PSD3: variants seen among roughly 807,000 people sequenced by gnomAD.
The protein encoded by PSD3 is PH and SEC7 domain-containing protein 3.
In PSD3, 49 loss-of-function variants were observed where a neutral mutation model predicts 105.5. The observed-to-expected ratio is 0.46, with a 90% confidence interval of 0.37 to 0.59. PSD3 has a LOEUF of 0.59. PSD3 is among the 20% of genes least tolerant of loss of function. The pLI is 0.00. For missense variants in PSD3, 1,561 were observed against 1,263.8 expected (o/e 1.24, Z -3.57); for synonymous variants, 557 against 457.8 (o/e 1.22, Z -2.77).
chr8:18,787,538 G>A (rs991350980), intron 8 of PSD3, among the ~76,000 whole-genome samples: 6 of 152,058 alleles, frequency 3.9e-5, no homozygotes, highest in Non-Finnish European at 4.4e-5. Context: ...AAAATTCCAG[G>A]CAGGCCCAAT....
At chr8:18,663,987 TA>T (rs1809540242) in intron 9 of PSD3, among the ~76,000 whole-genome samples, 1 of 152,238 alleles carries the variant, frequency 6.6e-6, no homozygotes, top group South Asian at 2.1e-4. Flanking sequence ...GTTACTACTG[TA>T]ATTGTTTTGG....
chr8:19,033,777 C>T (rs934911259), intron 1 of PSD3, among the ~76,000 whole-genome samples: 2 of 152,002 alleles, frequency 1.3e-5, no homozygotes, highest in Middle Eastern at 3.2e-3. Context: ...ACCACAGCCC[C>T]ACAAACAACT....
chr8:18,888,680 T>G (rs938548101), intron 2 of PSD3, among the ~76,000 whole-genome samples: 1 of 152,134 alleles, frequency 6.6e-6, no homozygotes, highest in Non-Finnish European at 1.5e-5. Flanking sequence ...TTCAAAATCC[T>G]CTCAAAGAAG....
chr8:18,777,593 T>C (rs1229409399), intron 8 of PSD3, among the ~76,000 whole-genome samples: 1 of 152,218 alleles, frequency 6.6e-6, no homozygotes, highest in African/African-American at 2.4e-5. Context: ...TTTTGAAATA[T>C]GCATGTAATG....
At chr8:18,958,943 C>T (rs530667351) in intron 1 of PSD3, among the ~76,000 whole-genome samples, 5 of 146,972 alleles carry the variant, frequency 3.4e-5, no homozygotes, top group South Asian at 2.2e-4. Context: ...TCTTTTGAGA[C>T]GGAGTCTTGT....
chr8:18,546,139 G>A (rs1421168988), intron 15 of PSD3, among the ~76,000 whole-genome samples: 1 of 152,038 alleles, frequency 6.6e-6, no homozygotes, highest in Non-Finnish European at 1.5e-5. Flanking sequence ...GGGATTACAG[G>A]TGCCCGCCAC....
intron 14 of PSD3, among the ~76,000 whole-genome samples, chr8:18,570,644 C>G (rs1802070340): frequency 6.8e-6 from 1 of 146,714 alleles, no homozygotes; most frequent in Admixed American, 6.9e-5. Flanking sequence ...CAAACAACCC[C>G]ATCAAAAAGT....
intron 12 of PSD3, among the ~76,000 whole-genome samples, chr8:18,596,631 T>G (rs939373169): frequency 7.3e-5 from 11 of 151,688 alleles, no homozygotes; most frequent in Non-Finnish European, 1.5e-4. Context: ...AAATCAGAAA[T>G]GAAACAGGAG....
rs372568308 is a variant in PSD3 at position 18,770,315 on chromosome 8, A to T, written c.2083-4777T>A. Among the ~76,000 whole-genome samples, 20 of 151,992 alleles carry T rather than the reference A, an allele frequency of 1.3e-4. No individual in the cohort carries two copies. The South Asian group carries it at 4.1e-3, about 32-fold the overall frequency. On this transcript the variant is annotated intron_variant, in intron 8 of 15. Transcript: ENST00000327040. Reference sequence around the variant, plus strand: ...AAATCCTATTTTCCCTTCTTATTGGAATATTTATATTTTTATTATTCAGTT... The same window carrying T: ...AAATCCTATTTTCCCTTCTTATTGGTATATTTATATTTTTATTATTCAGTT...
chr8:18,982,997 A>G (rs1010559948), intron 1 of PSD3, among the ~76,000 whole-genome samples: 3 of 152,332 alleles, frequency 2.0e-5, no homozygotes, highest in East Asian at 1.9e-4. Context: ...TCTTTTCCCA[A>G]TAGAAGGCTG....
chr8:18,738,759 C>A (rs1804340507), intron 9 of PSD3, among the ~76,000 whole-genome samples: 1 of 152,014 alleles, frequency 6.6e-6, no homozygotes. Context: ...CTTGAACTGA[C>A]TGATCACTTT....
At chr8:18,988,108 TAAATAC>T (rs1266210686) in intron 1 of PSD3, among the ~76,000 whole-genome samples, 4 of 122,116 alleles carry the variant, frequency 3.3e-5, no homozygotes, top group African/African-American at 1.1e-4. Flanking sequence ...AATAAATAAA[TAAATAC>T]ATATATATAT....
At position 18,632,727 on chromosome 8, in the gene PSD3, G is replaced by T; in HGVS notation, c.2296C>A (p.Arg766Ser). ...AATGGGTTAGTAGTACTTCCAATAC[G>T]ACTGATGGTCTTTGGATGTGTTCCG... is the stretch of plus-strand genomic sequence containing the variant. ...ANGTHPKTISRIGSTTNPFLD... is the reference protein window; with the variant it reads ...ANGTHPKTISSIGSTTNPFLD... Residue 766 changes from arginine to serine, a missense_variant, in exon 11 of 16, where the codon CGT becomes AGT. Coordinates refer to ENST00000327040, the MANE Select transcript of PSD3 (RefSeq NM_015310.4). The T allele has an allele frequency of 6.2e-7, 1 of 1,607,392 alleles. No individual in the cohort carries two copies. Among genetic ancestry groups the T allele is most frequent in the South Asian group, 1.1e-5 (1 of 90,918 alleles).
chr8:18,819,359 A>G (rs1438861230), intron 4 of PSD3, among the ~76,000 whole-genome samples: 4 of 152,124 alleles, frequency 2.6e-5, no homozygotes, highest in Non-Finnish European at 5.9e-5. Flanking sequence ...GAACCAGATC[A>G]TGAGCCTTCA....
intron 1 of PSD3, among the ~76,000 whole-genome samples, chr8:18,944,439 T>C (rs1822736062): frequency 1.3e-5 from 2 of 152,140 alleles, no homozygotes; most frequent in African/African-American, 2.4e-5. Flanking sequence ...GGTGTTGTGG[T>C]GCATGCCTGT....
chr8:18,838,824 A>AATG (rs1283541173), intron 4 of PSD3, among the ~76,000 whole-genome samples: 2 of 136,370 alleles, frequency 1.5e-5, no homozygotes, highest in African/African-American at 2.5e-5. Context: ...TAATAATAAT[A>AATG]ATAATAATAA....
At chr8:18,726,186 A>C (rs1351951222) in intron 9 of PSD3, among the ~76,000 whole-genome samples, 1 of 152,240 alleles carries the variant, frequency 6.6e-6, no homozygotes, top group Non-Finnish European at 1.5e-5. Flanking sequence ...ATCTGTTTAA[A>C]AATCATATGA....
intron 2 of PSD3, among the ~76,000 whole-genome samples, chr8:18,879,088 G>GCGCA (rs553762557): frequency 1.1e-5 from 1 of 93,594 alleles, no homozygotes; most frequent in African/African-American, 4.3e-5. Flanking sequence ...ACACACACAC[G>GCGCA]CACACACAAC....
At chr8:18,877,834 C>T (rs1429399787) in intron 2 of PSD3, among the ~76,000 whole-genome samples, 1 of 152,040 alleles carries the variant, frequency 6.6e-6, no homozygotes, top group Non-Finnish European at 1.5e-5. Context: ...TAGCACCACA[C>T]CTGGCTAGAT....
Sources: gnomAD v4.1 joint callset for allele counts (sites outside exome capture counted in the v4.1 genomes callset) on GRCh38, gnomAD v4.1.1 for gene constraint, MANE v1.5 for transcripts, NCBI Gene and HGNC (gene_info 2026-07-23, HGNC 2026-07-21) for gene names.